The following EVL variants were observed in gnomAD, a reference collection of about 807,000 sequenced individuals.
The protein encoded by EVL is ena/VASP-like protein.
In EVL, 21 loss-of-function variants were observed where a neutral mutation model predicts 59.6. The ratio of observed to expected loss-of-function variants is 0.35; its 90% CI spans 0.25 to 0.51. The LOEUF (loss-of-function observed/expected upper bound fraction) is 0.51, where lower values mean the gene tolerates loss of function less well. Ranked by LOEUF, EVL falls within the 20% of genes least tolerant of loss-of-function variation. The pLI, the probability that EVL is intolerant of heterozygous loss-of-function variation, is 0.97. For synonymous variants in EVL, 198 were observed against 203.5 expected, an observed-to-expected ratio of 0.97 and a Z score of 0.23; for missense variants, 462 against 546.6, an observed-to-expected ratio of 0.85 and a Z score of 1.54.
At chr14:99,988,302 A>C (rs1212314382) in intron 1 of EVL, among the ~76,000 whole-genome samples, 1 of 152,182 alleles carries the variant, frequency 6.6e-6, no homozygotes, top group Non-Finnish European at 1.5e-5. Context: ...GCACTTGAAA[A>C]GGTGCTTAGC....
At position 100,056,930 on chromosome 14, in the gene EVL, C is replaced by T. The variant is rs1173389746; in HGVS notation, c.6-27757C>T. 2.0e-5 allele frequency among the ~76,000 whole-genome samples: 3 copies of T among 152,100 alleles called. No homozygotes were observed. In the East Asian group the frequency reaches 5.8e-4, roughly 29 times the overall value. On this transcript the variant is annotated intron_variant, in intron 1 of 13. Transcript: ENST00000402714. The stretch of plus-strand genomic sequence containing the variant: ...AAAAGATGAATAAAAAATGATAGTC[C>T]CTTCCTAAAGGGTAATGCTCTGTGA...
chr14:100,063,223 C>T (rs989184398), upstream of EVL, among the ~76,000 whole-genome samples: 4 of 152,130 alleles, frequency 2.6e-5, no homozygotes, highest in African/African-American at 9.7e-5. Flanking sequence ...TCTAATCACA[C>T]GAGTCCTTAA....
At chr14:100,019,210 A>T (rs2061079444) in intron 1 of EVL, among the ~76,000 whole-genome samples, 1 of 152,228 alleles carries the variant, frequency 6.6e-6, no homozygotes, top group Admixed American at 6.5e-5. Context: ...CAGCCAGAGG[A>T]AGATGAGGTA....
At chr14:99,988,557 C>A (rs1018963004) in intron 1 of EVL, among the ~76,000 whole-genome samples, 2 of 152,148 alleles carry the variant, frequency 1.3e-5, no homozygotes, top group African/African-American at 4.8e-5. Flanking sequence ...TAGAGTTACC[C>A]TATGACCTAT....
intron 1 of EVL, among the ~76,000 whole-genome samples, chr14:99,984,210 G>A (rs1281678073): frequency 6.6e-6 from 1 of 152,182 alleles, no homozygotes; most frequent in African/African-American, 2.4e-5. Context: ...CATTACTGAG[G>A]TGTCAGTGAT....
At chr14:100,107,338 C>A in intron 3 of EVL, 1 of 398,626 alleles carries the variant, frequency 2.5e-6, no homozygotes, top group Non-Finnish European at 4.4e-6. Flanking sequence ...CCCCTCAAAG[C>A]CTCTGCTGGT....
chr14:100,073,736 T>TA (rs1261824122), intron 1 of EVL, among the ~76,000 whole-genome samples: 2 of 152,088 alleles, frequency 1.3e-5, no homozygotes, highest in Non-Finnish European at 2.9e-5. Context: ...AGAAATACAA[T>TA]ACCTGGCAAA....
intron 3 of EVL, among the ~76,000 whole-genome samples, chr14:100,119,939 C>A (rs1440837119): frequency 6.6e-6 from 1 of 152,160 alleles, no homozygotes; most frequent in Admixed American, 6.5e-5. Flanking sequence ...ATTCACTGTA[C>A]AAAGGAGGGC....
intron 1 of EVL, among the ~76,000 whole-genome samples, chr14:100,074,209 G>A (rs963114631): frequency 1.3e-5 from 2 of 152,162 alleles, no homozygotes; most frequent in Non-Finnish European, 2.9e-5. Flanking sequence ...AATTCTCCAG[G>A]CCACAGTGAG....
chr14:99,977,810 G>GCATC lies in EVL; in HGVS notation c.5+5753_5+5754insCATC, dbSNP rs1165934257. Among the ~76,000 whole-genome samples, 113 of 152,106 alleles carry GCATC rather than the reference G, an allele frequency of 7.4e-4. 1 individual carries two copies. The highest frequency in any genetic ancestry group is 2.6e-3 in the African/African-American group (108 of 41,510). On this transcript the variant is annotated intron_variant, in intron 1 of 13. Coordinates refer to the EVL transcript ENST00000402714. ...ATTCTTTGGGATCTAAAAAAGTCATGGATGGCTGGGCACGGTGGTTCATGC... is the reference window on the plus strand; with the variant it reads ...ATTCTTTGGGATCTAAAAAAGTCATGCATCGATGGCTGGGCACGGTGGTTCATGC...
chr14:99,976,180 TTTTATTTATTTATTTATTTA>T (rs141612796), intron 1 of EVL, among the ~76,000 whole-genome samples: 9 of 145,744 alleles, frequency 6.2e-5, no homozygotes, highest in African/African-American at 2.3e-4. Flanking sequence ...CATGGCCAGC[TTTTATTTATTTATTTATTTA>T]TTTATTTATT....
chr14:100,137,456 C>A, intron 9 of EVL, 122 bp from the exon 10 acceptor site: 1 of 1,041,678 alleles, frequency 9.6e-7, no homozygotes, highest in Non-Finnish European at 1.5e-6. Context: ...TCAGACCTTC[C>A]TGCCACGGGG....
intron 1 of EVL, among the ~76,000 whole-genome samples, chr14:100,075,657 G>C (rs1000194661): frequency 6.6e-6 from 1 of 152,296 alleles, no homozygotes; most frequent in Admixed American, 6.5e-5. Flanking sequence ...TTCTCCAGAA[G>C]CCCACAGTCT....
chr14:100,004,113 A>G (rs575246168), intron 1 of EVL, among the ~76,000 whole-genome samples: 2 of 152,362 alleles, frequency 1.3e-5, no homozygotes, highest in Non-Finnish European at 2.9e-5. Context: ...CTGAGGCACA[A>G]GAATCACTTG....
At chr14:100,090,077 A>G (rs75202160) in intron 2 of EVL, among the ~76,000 whole-genome samples, 4,035 of 152,296 alleles carry the variant, frequency 0.026, 177 homozygotes, top group African/African-American at 0.091. Flanking sequence ...TAAACCCAAC[A>G]AAAGTAGAAG....
intron 1 of EVL, among the ~76,000 whole-genome samples, chr14:100,011,475 A>T (rs1220174998): frequency 2.0e-5 from 3 of 152,246 alleles, no homozygotes; most frequent in Non-Finnish European, 4.4e-5. Flanking sequence ...AACCAGTTTT[A>T]TATCTAACTT....
intron 1 of EVL, among the ~76,000 whole-genome samples, chr14:100,014,133 T>C (rs771747627): frequency 5.9e-5 from 9 of 152,166 alleles, no homozygotes; most frequent in Non-Finnish European, 1.0e-4. Flanking sequence ...TTGATTCTTA[T>C]TCATTCTAAC....
intron 1 of EVL, among the ~76,000 whole-genome samples, chr14:100,025,884 C>T (rs1184121601): frequency 2.0e-5 from 3 of 152,026 alleles, no homozygotes; most frequent in African/African-American, 7.2e-5. Flanking sequence ...TACGGTGAGC[C>T]GAGATCGGGC....
chr14:100,073,897 CAAGTATGGT>C (rs1403905073), intron 1 of EVL, among the ~76,000 whole-genome samples: 1 of 151,238 alleles, frequency 6.6e-6, no homozygotes, highest in African/African-American at 2.4e-5. Flanking sequence ...AGTTCAGTGG[CAAGTATGGT>C]AAGTGTTCTG....
Sources: allele counts gnomAD v4.1 joint callset (sites outside exome capture counted in the v4.1 genomes callset), GRCh38; gene constraint gnomAD v4.1.1; transcripts MANE v1.5; gene names NCBI Gene and HGNC (gene_info 2026-07-23, HGNC 2026-07-21).